Variants in DCLK2 observed in about 807,000 individuals in gnomAD.
DCLK2 encodes the protein doublecortin like kinase 2.
Under a neutral mutation model 78.4 loss-of-function variants are expected in DCLK2, and 31 were observed. The observed-to-expected ratio is 0.40, with a 90% CI of 0.30 to 0.53. DCLK2 has a LOEUF of 0.53. Ranked by LOEUF, DCLK2 falls within the 20% of genes least tolerant of loss-of-function variation. The probability of loss-of-function intolerance (pLI) is 0.61; values close to 1 mark genes in which losing one functional copy is unlikely to be tolerated. For synonymous variants in DCLK2, 407 were observed against 374.9 expected (o/e 1.09, Z -0.99); for missense variants, 872 against 973.7 (o/e 0.90, Z 1.39).
chr4:150,175,215 T>TTATAATTTATATA (rs1560835703), intron 2 of DCLK2, among the ~76,000 whole-genome samples: 4,121 of 122,162 alleles, frequency 0.034, 402 homozygotes, highest in East Asian at 0.063. Context: ...TTATATATAT[T>TTATAATTTATATA]TATCTATATA....
At chr4:150,151,520 AT>A (rs1734894488) in intron 2 of DCLK2, among the ~76,000 whole-genome samples, 1 of 152,254 alleles carries the variant, frequency 6.6e-6, no homozygotes, top group African/African-American at 2.4e-5. Context: ...GGAAAGTAGC[AT>A]TTTGAATGCT....
At chr4:150,187,064 A>G (rs1198238336) in intron 2 of DCLK2, among the ~76,000 whole-genome samples, 1 of 152,236 alleles carries the variant, frequency 6.6e-6, no homozygotes, top group Non-Finnish European at 1.5e-5. Flanking sequence ...GTTTATTTAC[A>G]TTATCTAAAA....
At chr4:150,079,902 T>C (rs998076938) in intron 1 of DCLK2, among the ~76,000 whole-genome samples, 1 of 152,136 alleles carries the variant, frequency 6.6e-6, no homozygotes, top group Non-Finnish European at 1.5e-5. Flanking sequence ...GGTTGTGAAA[T>C]GCTCTAGGTT....
Position 150,256,584 on chromosome 4 carries a change from G to A in DCLK2, c.*337G>A. 1 of 280,498 alleles carries A rather than the reference G, an allele frequency of 3.6e-6. No homozygotes were observed. Among genetic ancestry groups the A allele is most frequent in the Non-Finnish European group, 6.6e-6 (1 of 152,126 alleles). 17.4% of individuals were successfully genotyped at this position (280,498 alleles called of 1,614,324 possible). A position where few individuals can be genotyped will look rare whatever the true frequency, so the allele number is the denominator to read the frequency against. On this transcript the variant is annotated 3_prime_UTR_variant, in exon 16 of 16. Transcript: ENST00000296550. ...GTGCAACTTTATTCCAGCATTCGAT[G>A]CATTTTTATAGAAACACTTTGGAAA...
At chr4:150,213,298 C>T (rs1215658291) in intron 5 of DCLK2, among the ~76,000 whole-genome samples, 1 of 152,238 alleles carries the variant, frequency 6.6e-6, no homozygotes, top group African/African-American at 2.4e-5. Context: ...TGTTAACCAA[C>T]CACAAGTCTT....
chr4:150,130,690 G>T (rs1190671639), intron 2 of DCLK2, among the ~76,000 whole-genome samples: 2 of 151,912 alleles, frequency 1.3e-5, no homozygotes, highest in Non-Finnish European at 2.9e-5. Context: ...GCTGAACTGA[G>T]GCTAAAAGAG....
intron 2 of DCLK2, among the ~76,000 whole-genome samples, chr4:150,114,761 A>C: frequency 6.6e-6 from 1 of 152,196 alleles, no homozygotes; most frequent in Non-Finnish European, 1.5e-5. Flanking sequence ...GTCTTCCATT[A>C]GTCTGATAGG....
intron 2 of DCLK2, among the ~76,000 whole-genome samples, chr4:150,174,486 C>G (rs183532385): frequency 1.5e-4 from 23 of 152,294 alleles, no homozygotes; most frequent in Non-Finnish European, 5.9e-5. Context: ...AAAATTCATG[C>G]AACCGTGAGC....
intron 2 of DCLK2, among the ~76,000 whole-genome samples, chr4:150,147,278 A>G (rs921236746): frequency 4.6e-5 from 7 of 152,168 alleles, no homozygotes; most frequent in Non-Finnish European, 8.8e-5. Context: ...ATCCTGGGCA[A>G]CAGAGCAAGA....
chr4:150,195,381 A>T (rs56117102), intron 3 of DCLK2, among the ~76,000 whole-genome samples: 1,968 of 2,258 alleles, frequency 0.87, 921 homozygotes, highest in Middle Eastern at 1. Context: ...ATATTATATA[A>T]TATATATATT....
rs570478580 is a variant in DCLK2 at position 150,119,193 on chromosome 4, A to G, written c.756+16381A>G. Among the ~76,000 whole-genome samples, 462 of 152,214 alleles carry G rather than the reference A, an allele frequency of 3.0e-3. 3 individuals are homozygous for G. Among genetic ancestry groups the G allele is most frequent in the Non-Finnish European group, 4.7e-3 (323 of 68,018 alleles). ...TTCCATGTTGTTGTATCATCTTCATATCGCATACCTGAATGACTGAATAAT... is the reference window on the plus strand; with the variant it reads ...TTCCATGTTGTTGTATCATCTTCATGTCGCATACCTGAATGACTGAATAAT... On this transcript the variant is annotated intron_variant, in intron 2 of 15. Coordinates refer to ENST00000296550, the MANE Select transcript of DCLK2 (RefSeq NM_001040260.4).
At chr4:150,125,127 G>T (rs4260524) in intron 2 of DCLK2, among the ~76,000 whole-genome samples, 35,621 of 151,944 alleles carry the variant, frequency 0.23, 4,552 homozygotes, top group African/African-American at 0.34. Flanking sequence ...ATCATCTTGT[G>T]GTAGGTATAT....
At chr4:150,252,387 A>C (rs1744238659) in intron 15 of DCLK2, among the ~76,000 whole-genome samples, 1 of 152,226 alleles carries the variant, frequency 6.6e-6, no homozygotes, top group Non-Finnish European at 1.5e-5. Flanking sequence ...GAGAGGAAGA[A>C]CCTTTAACCG....
intron 2 of DCLK2, among the ~76,000 whole-genome samples, chr4:150,169,770 G>T (rs1438349728): frequency 1.3e-5 from 2 of 152,112 alleles, no homozygotes; most frequent in African/African-American, 4.8e-5. Flanking sequence ...GGTTACAGCT[G>T]GGCATTGGCT....
intron 8 of DCLK2, among the ~76,000 whole-genome samples, chr4:150,228,734 A>G (rs565565723): frequency 1.3e-5 from 2 of 152,302 alleles, no homozygotes; most frequent in Admixed American, 6.5e-5. Context: ...TCCAGATAAA[A>G]CTATGGCTGG....
At chr4:150,129,118 G>A (rs575244839) in intron 2 of DCLK2, among the ~76,000 whole-genome samples, 3 of 152,276 alleles carry the variant, frequency 2.0e-5, no homozygotes, top group African/African-American at 7.2e-5. Context: ...TGCTATTGCA[G>A]TATGAAAAGT....
chr4:150,092,242 C>G (rs1405485011), intron 1 of DCLK2, among the ~76,000 whole-genome samples: 1 of 152,126 alleles, frequency 6.6e-6, no homozygotes, highest in East Asian at 1.9e-4. Flanking sequence ...CATATCTTAG[C>G]TATTGTGAAT....
chr4:150,126,883 C>G (rs1289165772), intron 2 of DCLK2, among the ~76,000 whole-genome samples: 1 of 152,126 alleles, frequency 6.6e-6, no homozygotes, highest in Non-Finnish European at 1.5e-5. Flanking sequence ...CTTGTCATAT[C>G]TCCTTAATAG....
At chr4:150,230,325 A>G (rs1000399873) in intron 8 of DCLK2, among the ~76,000 whole-genome samples, 6 of 152,190 alleles carry the variant, frequency 3.9e-5, no homozygotes, top group Admixed American at 3.3e-4. Flanking sequence ...TGTGGTAGAT[A>G]TCTTATTTAC....
Sources: allele counts gnomAD v4.1 joint callset (sites outside exome capture counted in the v4.1 genomes callset), GRCh38; gene constraint gnomAD v4.1.1; transcripts MANE v1.5; gene names NCBI Gene and HGNC (gene_info 2026-07-23, HGNC 2026-07-21).